MAGI2: variants seen among roughly 807,000 people sequenced by gnomAD.
The protein encoded by MAGI2 is membrane associated guanylate kinase, WW and PDZ domain containing 2.
MAGI2 carries 35 observed loss-of-function variants against 133.3 expected under a neutral mutation model. The ratio of observed to expected loss-of-function variants is 0.26; its 90% CI spans 0.20 to 0.35. MAGI2 has a LOEUF of 0.35. MAGI2 is among the 10% of genes least tolerant of loss of function. MAGI2 has a pLI of 1.00. For synonymous variants in MAGI2, 729 were observed against 710.6 expected (o/e 1.03, Z -0.41); for missense variants, 1,636 against 1,863.4 (o/e 0.88, Z 2.25).
At chr7:78,785,927 A>T (rs1826777794) in intron 2 of MAGI2, among the ~76,000 whole-genome samples, 1 of 152,182 alleles carries the variant, frequency 6.6e-6, no homozygotes, top group Non-Finnish European at 1.5e-5. Flanking sequence ...ACTAGACAAG[A>T]ACACACTATG....
At chr7:78,060,468 G>T (rs1813125356) in intron 21 of MAGI2, among the ~76,000 whole-genome samples, 1 of 152,234 alleles carries the variant, frequency 6.6e-6, no homozygotes, top group South Asian at 2.1e-4. Context: ...ACTGTACAAA[G>T]AACCTAGGTT....
intron 9 of MAGI2, among the ~76,000 whole-genome samples, chr7:78,267,490 G>A (rs553147770): frequency 6.6e-6 from 1 of 152,248 alleles, no homozygotes; most frequent in Admixed American, 6.5e-5. Flanking sequence ...GTTTCAGAAA[G>A]AGCAATATTT....
intron 16 of MAGI2, among the ~76,000 whole-genome samples, chr7:78,157,516 CACAT>C (rs1468655836): frequency 6.7e-6 from 1 of 149,322 alleles, no homozygotes; most frequent in Non-Finnish European, 1.5e-5. Context: ...TGCACATGTA[CACAT>C]ACATACACAC....
chr7:78,049,032 C>T (rs60051531), intron 21 of MAGI2, among the ~76,000 whole-genome samples: 17,849 of 151,158 alleles, frequency 0.12, 1,994 homozygotes, highest in African/African-American at 0.29. Flanking sequence ...CGCTTGAACC[C>T]GGGAGGCAGA....
At chr7:79,077,474 C>G (rs935308509) in intron 1 of MAGI2, among the ~76,000 whole-genome samples, 1 of 149,524 alleles carries the variant, frequency 6.7e-6, no homozygotes, top group African/African-American at 2.5e-5. Flanking sequence ...ACTCAGGAGG[C>G]GGAGGCAGGA....
intron 1 of MAGI2, among the ~76,000 whole-genome samples, chr7:79,131,155 G>A (rs1015767282): frequency 1.3e-5 from 2 of 152,150 alleles, no homozygotes; most frequent in East Asian, 1.9e-4. Context: ...GGAAAGTAAG[G>A]TTGGAGGATC....
intron 2 of MAGI2, among the ~76,000 whole-genome samples, chr7:78,659,870 T>A (rs1812742493): frequency 6.6e-6 from 1 of 152,132 alleles, no homozygotes; most frequent in African/African-American, 2.4e-5. Context: ...AATAAAAGGT[T>A]CAATTTTAAA....
chr7:78,895,595 G>A (rs1046409144), intron 2 of MAGI2, among the ~76,000 whole-genome samples: 7 of 152,092 alleles, frequency 4.6e-5, no homozygotes, highest in Non-Finnish European at 1.0e-4. Context: ...CACATCTCGT[G>A]ATGCATTTGA....
At position 78,157,223 on chromosome 7, in the gene MAGI2, C is replaced by T. The variant is rs537933237; in HGVS notation, c.2845+2802G>A. ...GCTTTTGCCACAGAGCACGGGGCAACTTGCATTTTAAACTCCCTAAATTGA... is the reference window on the plus strand; with the variant it reads ...GCTTTTGCCACAGAGCACGGGGCAATTTGCATTTTAAACTCCCTAAATTGA... On this transcript the variant is annotated intron_variant, in intron 16 of 21. Transcript: ENST00000354212. Among the ~76,000 whole-genome samples the T allele has an allele frequency of 1.7e-3, 254 of 152,254 alleles. 2 individuals carry two copies. Among genetic ancestry groups the T allele is most frequent in the African/African-American group, 5.8e-3 (239 of 41,550 alleles).
intron 6 of MAGI2, among the ~76,000 whole-genome samples, chr7:78,466,804 T>A (rs912370562): frequency 2.6e-5 from 4 of 152,132 alleles, no homozygotes; most frequent in Non-Finnish European, 5.9e-5. Context: ...GTTGCGTGAC[T>A]GGGCTGCTTG....
intron 2 of MAGI2, among the ~76,000 whole-genome samples, chr7:78,767,427 G>A (rs1034921600): frequency 2.6e-5 from 4 of 151,912 alleles, no homozygotes; most frequent in Admixed American, 2.0e-4. Flanking sequence ...CACAAGCTGT[G>A]TGACTAAGAG....
At chr7:78,968,660 A>T (rs1329065592) in intron 2 of MAGI2, among the ~76,000 whole-genome samples, 1 of 152,090 alleles carries the variant, frequency 6.6e-6, no homozygotes, top group Non-Finnish European at 1.5e-5. Flanking sequence ...ACTATATCAC[A>T]TTAAGCAAAT....
chr7:78,301,554 C>T (rs945626529), intron 9 of MAGI2, among the ~76,000 whole-genome samples: 12 of 152,100 alleles, frequency 7.9e-5, no homozygotes, highest in African/African-American at 2.4e-4. Flanking sequence ...AAATTTCTGC[C>T]CCAGACATAA....
chr7:79,037,318 C>T (rs1811217971), intron 1 of MAGI2, among the ~76,000 whole-genome samples: 1 of 152,112 alleles, frequency 6.6e-6, no homozygotes, highest in Non-Finnish European at 1.5e-5. Context: ...CATAATTATA[C>T]TTCTGGTCAT....
intron 2 of MAGI2, among the ~76,000 whole-genome samples, chr7:78,889,241 A>T (rs1423634008): frequency 6.6e-6 from 1 of 152,212 alleles, no homozygotes; most frequent in Non-Finnish European, 1.5e-5. Flanking sequence ...AGAAGACCAA[A>T]TCTACGTCTG....
chr7:78,504,599 C>T (rs917718477), intron 4 of MAGI2, among the ~76,000 whole-genome samples: 4 of 152,070 alleles, frequency 2.6e-5, no homozygotes, highest in African/African-American at 9.7e-5. Flanking sequence ...TAAAATTCTA[C>T]AATTGTTTGG....
At chr7:78,865,676 TTGA>T (rs1406940664) in intron 2 of MAGI2, among the ~76,000 whole-genome samples, 1 of 152,142 alleles carries the variant, frequency 6.6e-6, no homozygotes, top group Non-Finnish European at 1.5e-5. Context: ...AGTGCTCTAA[TTGA>T]TGAGAAAGAA....
At chr7:79,290,425 A>G (rs1263670597) in intron 1 of MAGI2, among the ~76,000 whole-genome samples, 2 of 151,868 alleles carry the variant, frequency 1.3e-5, no homozygotes, top group South Asian at 2.1e-4. Context: ...GATTATAAAG[A>G]TGAGTCTGAT....
intron 6 of MAGI2, among the ~76,000 whole-genome samples, chr7:78,436,008 C>T (rs1800248956): frequency 6.6e-6 from 1 of 152,104 alleles, no homozygotes; most frequent in Admixed American, 6.6e-5. Context: ...GTCCTTCACA[C>T]AAGTAGATAT....
Sources: gnomAD v4.1 joint callset for allele counts (sites outside exome capture counted in the v4.1 genomes callset) on GRCh38, gnomAD v4.1.1 for gene constraint, MANE v1.5 for transcripts, NCBI Gene and HGNC (gene_info 2026-07-23, HGNC 2026-07-21) for gene names.